Variants in MEG3 observed in about 807,000 individuals in gnomAD.
The protein encoded by MEG3 is maternally expressed 3, also known as Very putative protein from MEG3 locus.
intron 2 of MEG3, among the ~76,000 whole-genome samples, chr14:100,844,964 T>C (rs2037871387): frequency 6.6e-6 from 1 of 152,108 alleles, no homozygotes; most frequent in African/African-American, 2.4e-5. Flanking sequence ...GCACACAACG[T>C]GTGTGCCATG....
upstream of MEG3, chr14:100,852,754 T>C (rs2295390): frequency 8.3e-5 from 19 of 228,574 alleles, no homozygotes; most frequent in East Asian, 2.4e-3. Flanking sequence ...GCCCATTGCA[T>C]GCACCAAGAG....
downstream of MEG3, chr14:100,831,979 C>T (rs2037407515): frequency 1.3e-5 from 2 of 151,992 alleles, no homozygotes; most frequent in African/African-American, 4.8e-5. Context: ...TGGGAAAATA[C>T]AACTGGAGGC....
intron 1 of MEG3, chr14:100,836,134 T>G: frequency 2.3e-6 from 1 of 427,222 alleles, no homozygotes; most frequent in Non-Finnish European, 4.6e-6. Context: ...GCGCTTGCCT[T>G]GCCATGATTC....
intron 3 of MEG3, chr14:100,851,101 C>A (rs556770420): frequency 6.6e-6 from 1 of 152,466 alleles, no homozygotes; most frequent in Non-Finnish European, 1.5e-5. Context: ...TCTGTCTCTT[C>A]CTCAGTTTCC....
intron 3 of MEG3, chr14:100,851,003 TTGCCC>T (rs1235717712): frequency 6.6e-6 from 1 of 152,606 alleles, no homozygotes; most frequent in Non-Finnish European, 1.5e-5. Flanking sequence ...TCACATGCAC[TTGCCC>T]TGGCAGGGAG....
At chr14:100,840,116 TGA>T (rs568834852) in intron 2 of MEG3, among the ~76,000 whole-genome samples, 68 of 152,310 alleles carry the variant, frequency 4.5e-4, no homozygotes, top group African/African-American at 1.5e-3. Context: ...GGACTGTGTG[TGA>T]GAGAGGAGTT....
chr14:100,838,626 C>T (rs544616450), intron 2 of MEG3, among the ~76,000 whole-genome samples: 10 of 152,204 alleles, frequency 6.6e-5, no homozygotes, highest in Admixed American at 3.3e-4. Flanking sequence ...GTCACATCAG[C>T]GGAGGGCGGT....
chr14:100,856,457 G>C (rs565524102), upstream of MEG3: 2 of 152,826 alleles, frequency 1.3e-5, no homozygotes, highest in Admixed American at 6.5e-5. Flanking sequence ...GTCTGCCTAC[G>C]GGGGAGGACT....
downstream of MEG3, chr14:100,832,038 G>A (rs1303281843): frequency 3.3e-5 from 5 of 151,976 alleles, no homozygotes; most frequent in Admixed American, 3.3e-4. Flanking sequence ...GGACCGAAGA[G>A]AGAAGAAAGA....
Position 100,837,687 on chromosome 14 carries a change from C to T in MEG3, n.3045+1387C>T, listed in dbSNP as rs1488338507. Among the ~76,000 whole-genome samples the T allele has an allele frequency of 6.6e-6, 1 of 151,612 alleles. No individual in the cohort carries two copies. Among genetic ancestry groups the T allele is most frequent in the Admixed American group, 6.6e-5 (1 of 15,214 alleles). Reference sequence around the variant, plus strand: ...CCGCCACCCCCCACCCCCGGAGTGTCTCTGGTTTCCGACGCAGCCTCGTAA... The same window carrying T: ...CCGCCACCCCCCACCCCCGGAGTGTTTCTGGTTTCCGACGCAGCCTCGTAA... On this transcript the variant is annotated intron_variant and non_coding_transcript_variant, in intron 2 of 3. Transcript: ENST00000398461. This position sits in a 1 kb window ranked among gnomAD's most constrained non-coding sequence, Gnocchi z 5.8.
At chr14:100,830,307 A>G (rs1432853062), downstream of MEG3, 1 of 148,496 alleles carries the variant, frequency 6.7e-6, no homozygotes, top group Non-Finnish European at 1.5e-5. Flanking sequence ...TAACTACTCT[A>G]AGTTTCAGTT....
intron 2 of MEG3, among the ~76,000 whole-genome samples, chr14:100,838,316 T>C (rs895709724): frequency 6.6e-6 from 1 of 152,070 alleles, no homozygotes; most frequent in Non-Finnish European, 1.5e-5. Flanking sequence ...TTGCACTGAG[T>C]TGTATTTCAG....
intron 2 of MEG3, among the ~76,000 whole-genome samples, chr14:100,844,816 A>C (rs552873995): frequency 7.2e-4 from 110 of 152,358 alleles, no homozygotes; most frequent in African/African-American, 2.3e-3. Context: ...ATAAAAAAGA[A>C]AAAACAAAAC....
intron 1 of MEG3, among the ~76,000 whole-genome samples, chr14:100,826,866 C>T (rs1157192361): frequency 6.6e-6 from 1 of 152,094 alleles, no homozygotes; most frequent in African/African-American, 2.4e-5. Flanking sequence ...GCCACTTTCA[C>T]AGTGGAGAGA....
chr14:100,843,069 A>G (rs1021392481), intron 2 of MEG3, among the ~76,000 whole-genome samples: 2 of 152,200 alleles, frequency 1.3e-5, no homozygotes, highest in East Asian at 3.8e-4. Context: ...AAACCAAGGC[A>G]CGAATTTGCT....
At chr14:100,860,474 A>G (rs1328405990) in intron 1 of MEG3, 2 of 364,722 alleles carry the variant, frequency 5.5e-6, no homozygotes, top group Non-Finnish European at 1.1e-5. Context: ...GCCGAGTCTA[A>G]GGTAGGGCAG....
chr14:100,835,355 C>CT (rs1453841899), exon 1 of MEG3: 1 of 154,480 alleles, frequency 6.5e-6, no homozygotes. Context: ...CTTCCTCCCC[C>CT]GGGGCTTGGT....
At chr14:100,836,854 T>A (rs2037600042) in intron 2 of MEG3, among the ~76,000 whole-genome samples, 1 of 152,220 alleles carries the variant, frequency 6.6e-6, no homozygotes, top group South Asian at 2.1e-4. Context: ...AGTTCTTCTC[T>A]TTCCTCCTTT....
intron 3 of MEG3, chr14:100,850,625 A>T (rs1323670377): frequency 1.3e-5 from 2 of 151,680 alleles, no homozygotes; most frequent in Non-Finnish European, 2.9e-5. Context: ...AAAAAAAAAG[A>T]AGGAGAAAGA....
Sources: gnomAD v4.1 joint callset for allele counts (sites outside exome capture counted in the v4.1 genomes callset) on GRCh38, gnomAD v4.1.1 for gene constraint, Gnocchi (gnomAD v3.1) non-coding constraint, MANE v1.5 for transcripts, NCBI Gene and HGNC (gene_info 2026-07-23, HGNC 2026-07-21) for gene names.